Variants in SLC22A23 observed in about 807,000 individuals in gnomAD.
SLC22A23 encodes the protein ion transporter protein.
Under a neutral mutation model 61.0 loss-of-function variants are expected in SLC22A23, and 26 were observed. That is an observed-to-expected ratio of 0.43 (90% CI 0.31 to 0.59). SLC22A23 has a LOEUF of 0.59. SLC22A23 is among the 20% of genes least tolerant of loss of function. The probability of loss-of-function intolerance (pLI) is 0.11; values close to 1 mark genes in which losing one functional copy is unlikely to be tolerated. For synonymous variants in SLC22A23, 430 were observed against 413.9 expected, an observed-to-expected ratio of 1.04 and a Z score of -0.47; for missense variants, 796 against 934.7, an observed-to-expected ratio of 0.85 and a Z score of 1.94.
chr6:3,325,367 A>C (rs2127401968), intron 3 of SLC22A23, among the ~76,000 whole-genome samples: 1 of 152,358 alleles, frequency 6.6e-6, no homozygotes, highest in East Asian at 1.9e-4. Flanking sequence ...GCACCATGCC[A>C]GCCAATTCCT....
At chr6:3,351,624 T>C (rs1465790610) in intron 3 of SLC22A23, among the ~76,000 whole-genome samples, 1 of 140,918 alleles carries the variant, frequency 7.1e-6, no homozygotes, top group Non-Finnish European at 1.6e-5. Flanking sequence ...GAAACCTCTC[T>C]CCCCTCGACC....
At chr6:3,443,423 A>G (rs1306894637) in intron 1 of SLC22A23, among the ~76,000 whole-genome samples, 3 of 152,176 alleles carry the variant, frequency 2.0e-5, no homozygotes, top group African/African-American at 7.2e-5. Flanking sequence ...ATCTGGAGCT[A>G]ATATCTAAGG....
intron 3 of SLC22A23, among the ~76,000 whole-genome samples, chr6:3,407,040 T>A (rs902747032): frequency 3.9e-5 from 6 of 152,194 alleles, no homozygotes; most frequent in African/African-American, 1.2e-4. Flanking sequence ...AAAAAAAGAA[T>A]GCTATCCAGT....
At chr6:3,446,352 TA>T (rs1771895262) in intron 1 of SLC22A23, among the ~76,000 whole-genome samples, 1 of 152,192 alleles carries the variant, frequency 6.6e-6, no homozygotes, top group African/African-American at 2.4e-5. Flanking sequence ...TTGGACTAGA[TA>T]ATCATATTAA....
At chr6:3,435,772 G>T (rs1771167846) in intron 1 of SLC22A23, among the ~76,000 whole-genome samples, 2 of 152,304 alleles carry the variant, frequency 1.3e-5, no homozygotes, top group South Asian at 4.1e-4. Context: ...GACCCTGTTT[G>T]GAAATAGGGT....
intron 1 of SLC22A23, among the ~76,000 whole-genome samples, chr6:3,416,867 G>C: frequency 6.6e-6 from 1 of 152,222 alleles, no homozygotes; most frequent in Non-Finnish European, 1.5e-5. Context: ...TGGGAACACC[G>C]GAGCGGGAGG....
At chr6:3,449,561 C>A (rs1210529220) in intron 1 of SLC22A23, among the ~76,000 whole-genome samples, 1 of 152,154 alleles carries the variant, frequency 6.6e-6, no homozygotes, top group African/African-American at 2.4e-5. Flanking sequence ...CAAAAACTTT[C>A]AAAAAGATGT....
chr6:3,404,311 T>G (rs904166755), intron 3 of SLC22A23, among the ~76,000 whole-genome samples: 1 of 152,214 alleles, frequency 6.6e-6, no homozygotes, highest in African/African-American at 2.4e-5. Context: ...TGCACAGACT[T>G]CTGGACAGAA....
At position 3,327,260 on chromosome 6, in the gene SLC22A23, G is replaced by T. The variant is rs1409571678; in HGVS notation, c.914-3258C>A. 6.6e-6 allele frequency among the ~76,000 whole-genome samples: 1 copy of T among 152,258 alleles called. No individual in the cohort carries two copies. The highest frequency in any genetic ancestry group is 6.5e-5 in the Admixed American group (1 of 15,290). ...TGCCCCTTCAGGGCCTGGCTACTGTGGAGAGTAGATCACTCACAGGCAGGT... is the reference window on the plus strand; with the variant it reads ...TGCCCCTTCAGGGCCTGGCTACTGTTGAGAGTAGATCACTCACAGGCAGGT... On this transcript the variant is annotated intron_variant, in intron 3 of 9. Coordinates refer to ENST00000406686, the MANE Select transcript of SLC22A23 (RefSeq NM_015482.2). The surrounding 1 kb of genome is among the most constrained non-coding windows in gnomAD (Gnocchi z 4.1).
At chr6:3,357,259 C>G (rs1443560663) in intron 3 of SLC22A23, among the ~76,000 whole-genome samples, 2 of 152,154 alleles carry the variant, frequency 1.3e-5, no homozygotes, top group East Asian at 3.8e-4. Flanking sequence ...TGTAAAACTC[C>G]CAGTGCAAAC....
chr6:3,317,659 TA>T lies in SLC22A23; in HGVS notation c.1082+6174del, dbSNP rs1171181348. Among the ~76,000 whole-genome samples the T allele has an allele frequency of 1.3e-5, 2 of 152,166 alleles. No individual in the cohort carries two copies. Among genetic ancestry groups the T allele is most frequent in the East Asian group, 3.9e-4 (2 of 5,192 alleles). On this transcript the variant is annotated intron_variant, in intron 4 of 9. Coordinates refer to ENST00000406686, the MANE Select transcript of SLC22A23 (RefSeq NM_015482.2). This position sits in a 1 kb window ranked among gnomAD's most constrained non-coding sequence, Gnocchi z 4.4. Reference sequence around the variant, plus strand: ...ACAATCAATGCCTGAGCAAAATGACTAAAGATGCATTTCTCTTCAGGCATCT... The same window carrying T: ...ACAATCAATGCCTGAGCAAAATGACTAAGATGCATTTCTCTTCAGGCATCT...
intron 4 of SLC22A23, among the ~76,000 whole-genome samples, chr6:3,321,278 C>T (rs910258122): frequency 2.0e-5 from 3 of 152,246 alleles, no homozygotes; most frequent in African/African-American, 7.2e-5. Flanking sequence ...CTGGAGGCAG[C>T]ACAGCCAGTC....
chr6:3,272,986 C>G lies in SLC22A23; in HGVS notation c.*69G>C. On this transcript the variant is annotated 3_prime_UTR_variant, in exon 10 of 10. Transcript: ENST00000406686. Reference sequence around the variant, plus strand: ...GCTTTCCCACCCCTGGCTGCGTGTTCGGTCCCTGGTCTGTAAACCTGTGCC... The same window carrying G: ...GCTTTCCCACCCCTGGCTGCGTGTTGGGTCCCTGGTCTGTAAACCTGTGCC... 7.2e-7 allele frequency: 1 copy of G among 1,379,334 alleles called. No individual in the cohort carries two copies. Among genetic ancestry groups the G allele is most frequent in the Non-Finnish European group, 9.7e-7 (1 of 1,031,030 alleles). 85.4% of individuals were successfully genotyped at this position (1,379,334 alleles called of 1,614,324 possible). A position where few individuals can be genotyped will look rare whatever the true frequency, so the allele number is the denominator to read the frequency against.
At chr6:3,353,616 C>T (rs1419193072) in intron 3 of SLC22A23, among the ~76,000 whole-genome samples, 3 of 152,160 alleles carry the variant, frequency 2.0e-5, no homozygotes, top group African/African-American at 7.2e-5. Flanking sequence ...TTTTTGCTCC[C>T]AAATCACTAG....
intron 4 of SLC22A23, among the ~76,000 whole-genome samples, chr6:3,311,371 C>T (rs746213943): frequency 2.6e-5 from 4 of 151,976 alleles, no homozygotes; most frequent in Non-Finnish European, 5.9e-5. Flanking sequence ...GGTGTTGCCA[C>T]GTATCAGAGT....
At chr6:3,403,175 GC>G (rs1459846072) in intron 3 of SLC22A23, among the ~76,000 whole-genome samples, 10 of 16,032 alleles carry the variant, frequency 6.2e-4, no homozygotes, top group African/African-American at 3.2e-3. Context: ...CTAATGTTTT[GC>G]TTTTTTTTTT....
chr6:3,382,662 T>C (rs1767029046), intron 3 of SLC22A23, among the ~76,000 whole-genome samples: 1 of 152,248 alleles, frequency 6.6e-6, no homozygotes, highest in Non-Finnish European at 1.5e-5. Flanking sequence ...AAAGCTTTAT[T>C]GTAACACCCA....
Position 3,317,046 on chromosome 6 carries a change from C to T in SLC22A23, c.1082+6788G>A, listed in dbSNP as rs776315133. On this transcript the variant is annotated intron_variant, in intron 4 of 9. Coordinates refer to ENST00000406686, the MANE Select transcript of SLC22A23 (RefSeq NM_015482.2). The surrounding 1 kb of genome is among the most constrained non-coding windows in gnomAD (Gnocchi z 4.4). The stretch of plus-strand genomic sequence containing the variant: ...CCACTATCTCCAGAAGTCCTTACTC[C>T]CTGTGACTTCTTCCAAGCCACTTGA... Among the ~76,000 whole-genome samples the T allele has an allele frequency of 3.3e-5, 5 of 152,182 alleles. No homozygotes were observed. Among genetic ancestry groups the T allele is most frequent in the Non-Finnish European group, 7.4e-5 (5 of 68,022 alleles).
rs1451487618 is a variant in SLC22A23 at position 3,328,622 on chromosome 6, G to A, written c.914-4620C>T. Among the ~76,000 whole-genome samples, 1 of 152,126 alleles carries A rather than the reference G, an allele frequency of 6.6e-6. No individual in the cohort carries two copies. The highest frequency in any genetic ancestry group is 1.9e-4 in the East Asian group (1 of 5,180). On this transcript the variant is annotated intron_variant, in intron 3 of 9. Transcript: ENST00000406686. This position sits in a 1 kb window ranked among gnomAD's most constrained non-coding sequence, Gnocchi z 5.0. ...TGAAAGACCTGAACATAGGGCCGAG[G>A]CTTCCTTGAGGAGGAAGAAGATTCC...
Sources: gnomAD v4.1 joint callset for allele counts (sites outside exome capture counted in the v4.1 genomes callset) on GRCh38, gnomAD v4.1.1 for gene constraint, Gnocchi (gnomAD v3.1) non-coding constraint, MANE v1.5 for transcripts, NCBI Gene and HGNC (gene_info 2026-07-23, HGNC 2026-07-21) for gene names.